The following CCDC149 variants were observed in gnomAD, a reference collection of about 807,000 sequenced individuals.
The protein encoded by CCDC149 is coiled-coil domain-containing protein 149.
A neutral mutation model predicts 59.9 loss-of-function variants in CCDC149; 45 were observed. The observed-to-expected ratio is 0.75, with a 90% confidence interval of 0.59 to 0.96. The LOEUF (loss-of-function observed/expected upper bound fraction) is 0.96, where lower values mean the gene tolerates loss of function less well. Among genes scored for constraint, CCDC149 ranks in the 40% least tolerant of loss-of-function variants. CCDC149 has a pLI of 0.00. For missense variants in CCDC149, 584 were observed against 664.7 expected, an observed-to-expected ratio of 0.88 and a Z score of 1.33; for synonymous variants, 245 against 260.6, an observed-to-expected ratio of 0.94 and a Z score of 0.58.
intron 1 of CCDC149, chr4:24,895,191 G>T: frequency 1.5e-6 from 1 of 663,300 alleles, no homozygotes; most frequent in Non-Finnish European, 2.7e-6. Flanking sequence ...TCTGGGTGAG[G>T]CAGGAGGGAT....
intron 1 of CCDC149, among the ~76,000 whole-genome samples, chr4:24,926,095 C>G (rs1722427523): frequency 6.6e-6 from 1 of 152,148 alleles, no homozygotes; most frequent in Non-Finnish European, 1.5e-5. Flanking sequence ...ACTCGGGAGG[C>G]TGTGGCAGGA....
intron 1 of CCDC149, among the ~76,000 whole-genome samples, chr4:24,898,026 T>C (rs1451493438): frequency 1.3e-5 from 2 of 152,172 alleles, no homozygotes; most frequent in African/African-American, 2.4e-5. Context: ...AATACTGCCT[T>C]GGTCGTGGGG....
At chr4:24,972,904 C>A (rs1724020950) in intron 1 of CCDC149, among the ~76,000 whole-genome samples, 1 of 152,190 alleles carries the variant, frequency 6.6e-6, no homozygotes, top group African/African-American at 2.4e-5. Flanking sequence ...CCTGAAGGGA[C>A]TAACTGAGGG....
At chr4:24,890,175 T>A (rs1483679925) in intron 1 of CCDC149, among the ~76,000 whole-genome samples, 1 of 152,174 alleles carries the variant, frequency 6.6e-6, no homozygotes, top group Non-Finnish European at 1.5e-5. Flanking sequence ...ACTCCCCCAC[T>A]CTGTGCTTCA....
intron 1 of CCDC149, among the ~76,000 whole-genome samples, chr4:24,892,835 A>G (rs1720606509): frequency 6.6e-6 from 1 of 152,204 alleles, no homozygotes; most frequent in Non-Finnish European, 1.5e-5. Context: ...GCAATTTATT[A>G]AGAAAATAAA....
chr4:24,822,393 G>A, intron 10 of CCDC149, 104 bp downstream of exon 10: 1 of 637,038 alleles, frequency 1.6e-6, no homozygotes, highest in Non-Finnish European at 2.6e-6. Flanking sequence ...TAGAATAAAA[G>A]GACATTAAAG....
At chr4:24,941,007 G>A (rs1404841388) in intron 1 of CCDC149, among the ~76,000 whole-genome samples, 2 of 152,142 alleles carry the variant, frequency 1.3e-5, no homozygotes, top group Non-Finnish European at 2.9e-5. Context: ...AGTTAAGACG[G>A]ATATCCAGGA....
chr4:24,846,301 C>T (rs1717281393), intron 4 of CCDC149, among the ~76,000 whole-genome samples: 1 of 152,162 alleles, frequency 6.6e-6, no homozygotes, highest in African/African-American at 2.4e-5. Flanking sequence ...CGGTGAAGGG[C>T]CCTTCTCACT....
intron 12 of CCDC149, among the ~76,000 whole-genome samples, chr4:24,814,384 T>C (rs970864636): frequency 6.6e-6 from 1 of 152,210 alleles, no homozygotes; most frequent in African/African-American, 2.4e-5. Context: ...AAAAAACAAC[T>C]ATTCAGATCT....
At chr4:24,928,198 T>C (rs1722484621) in intron 1 of CCDC149, among the ~76,000 whole-genome samples, 1 of 152,176 alleles carries the variant, frequency 6.6e-6, no homozygotes, top group African/African-American at 2.4e-5. Flanking sequence ...GTGGTAAGGA[T>C]TTTAAGAGAT....
intron 4 of CCDC149, among the ~76,000 whole-genome samples, chr4:24,845,065 T>C (rs976816714): frequency 3.3e-5 from 5 of 152,226 alleles, no homozygotes; most frequent in African/African-American, 1.2e-4. Flanking sequence ...CTCTGAAGTC[T>C]ATGCTGCGTT....
intron 9 of CCDC149, 46 bp from the exon 10 acceptor site, chr4:24,822,619 C>G: frequency 7.3e-7 from 1 of 1,377,072 alleles, no homozygotes; most frequent in Non-Finnish European, 9.9e-7. Flanking sequence ...AGCATCCTGT[C>G]AGCCCCCAGC....
At chr4:24,862,558 G>A (rs1489697994) in intron 3 of CCDC149, among the ~76,000 whole-genome samples, 1 of 152,190 alleles carries the variant, frequency 6.6e-6, no homozygotes, top group South Asian at 2.1e-4. Flanking sequence ...GATTGCTGGT[G>A]TGTGAAAGCC....
chr4:24,889,683 T>C (rs566652473), intron 1 of CCDC149, among the ~76,000 whole-genome samples: 114 of 152,338 alleles, frequency 7.5e-4, no homozygotes, highest in African/African-American at 2.6e-3. Context: ...GGTTACTTCA[T>C]TATAGAATAA....
intron 3 of CCDC149, 83 bp from the exon 4 acceptor site, chr4:24,853,262 G>A (rs1717781799): frequency 2.0e-6 from 2 of 1,010,016 alleles, no homozygotes; most frequent in Non-Finnish European, 3.1e-6. Context: ...TGTGGATGCT[G>A]GTGTCTAACC....
intron 4 of CCDC149, among the ~76,000 whole-genome samples, chr4:24,839,687 G>C (rs966499996): frequency 2.0e-5 from 3 of 152,192 alleles, no homozygotes; most frequent in Middle Eastern, 3.2e-3. Flanking sequence ...AATGGAAACT[G>C]TGTGAGAGGC....
chr4:24,933,872 A>G (rs1012920400), intron 1 of CCDC149, among the ~76,000 whole-genome samples: 3 of 152,148 alleles, frequency 2.0e-5, no homozygotes, highest in African/African-American at 4.8e-5. Context: ...GCTCAGCTGG[A>G]TGGTTCTTCT....
chr4:24,892,446 G>C (rs1720584642), intron 1 of CCDC149, among the ~76,000 whole-genome samples: 2 of 152,134 alleles, frequency 1.3e-5, no homozygotes, highest in African/African-American at 4.8e-5. Context: ...TCATCTTCCT[G>C]GATAACATCA....
At chr4:24,888,655 T>C (rs1720342440) in intron 1 of CCDC149, among the ~76,000 whole-genome samples, 1 of 152,166 alleles carries the variant, frequency 6.6e-6, no homozygotes, top group Non-Finnish European at 1.5e-5. Context: ...ACAATGCCTG[T>C]GGGGCTGGCC....
Sources: allele counts gnomAD v4.1 joint callset (sites outside exome capture counted in the v4.1 genomes callset), GRCh38; gene constraint gnomAD v4.1.1; transcripts MANE v1.5; gene names NCBI Gene and HGNC (gene_info 2026-07-23, HGNC 2026-07-21).